OR10K2: variants seen among roughly 807,000 people sequenced by gnomAD.
The protein encoded by OR10K2 is olfactory receptor 10K2.
For synonymous variants in OR10K2, 169 were observed against 146.4 expected (o/e 1.15, Z -1.11); for missense variants, 401 against 367.1 (o/e 1.09, Z -0.76).
rs773434547 is a variant in OR10K2, at chr1:158,419,813, T to A, written c.*115A>T. 2.3e-5 allele frequency: 18 copies of A among 768,766 alleles called. No homozygotes were observed. In the Middle Eastern group the frequency reaches 1.5e-3, roughly 63 times the overall value. 47.6% of individuals were successfully genotyped at this position (768,766 alleles called of 1,614,324 possible). On this transcript the variant is annotated 3_prime_UTR_variant, in exon 2 of 2. Transcript: ENST00000641042. ...TTTTGGTAGAGATAGGATTTCACTA[T>A]GTTGGCCAGGCTGGTCTTGAAGTCC...
In OR10K2 at chr1:158,420,434, C is replaced by T. The variant is rs761098498; in HGVS notation, c.433G>A (p.Val145Met). The change falls in exon 2 of 2, where the codon GTG (valine) becomes ATG (methionine). Residue 145 changes from valine (V) to methionine (M), a missense_variant. Coordinates refer to ENST00000641042, the MANE Select transcript of OR10K2 (RefSeq NM_001004476.2). ...LMGHGVCMGL[V>M]AAACACGFTV... ...AAGCCACAGGCACAGGCAGCAGCCA[C>T]TAGTCCCATACACACCCCATGTCCC... 3.8e-5 allele frequency: 61 copies of T among 1,613,794 alleles called. No homozygotes were observed. Among genetic ancestry groups the T allele is most frequent in the East Asian group, 4.5e-5 (2 of 44,860 alleles).
intron 1 of OR10K2, among the ~76,000 whole-genome samples, chr1:158,423,734 G>A (rs1655204581): frequency 6.6e-6 from 1 of 152,008 alleles, no homozygotes; most frequent in African/African-American, 2.4e-5. Flanking sequence ...GAAAATTTAA[G>A]AGAAATTATT....
chr1:158,421,399 T>A (rs1170933993), intron 1 of OR10K2, among the ~76,000 whole-genome samples: 1 of 152,172 alleles, frequency 6.6e-6, no homozygotes, highest in Non-Finnish European at 1.5e-5. Flanking sequence ...TTCAACACTG[T>A]TTTCCTTACC....
intron 1 of OR10K2, among the ~76,000 whole-genome samples, chr1:158,422,151 C>A (rs1655169015): frequency 1.3e-5 from 2 of 151,996 alleles, no homozygotes; most frequent in Middle Eastern, 3.2e-3. Context: ...AGATTTTGTA[C>A]CTTTGAGGAA....
chr1:158,423,326 T>C (rs1361555636), intron 1 of OR10K2, among the ~76,000 whole-genome samples: 1 of 151,572 alleles, frequency 6.6e-6, no homozygotes, highest in Non-Finnish European at 1.5e-5. Flanking sequence ...TACTAATAAA[T>C]TTCTACATGT....
chr1:158,423,258 A>G (rs370797120), intron 1 of OR10K2, among the ~76,000 whole-genome samples: 2 of 146,316 alleles, frequency 1.4e-5, no homozygotes, highest in African/African-American at 2.5e-5. Context: ...GGTGGTTGGC[A>G]TATTTATTAC....
rs546247272 is a variant in OR10K2, at chr1:158,420,425, C to G, written c.442G>C (p.Ala148Pro). Reference sequence around the variant, plus strand: ...GCAACAGTGAAGCCACAGGCACAGGCAGCAGCCACTAGTCCCATACACACC... The same window carrying G: ...GCAACAGTGAAGCCACAGGCACAGGGAGCAGCCACTAGTCCCATACACACC... Reference protein sequence around the residue: ...HGVCMGLVAAACACGFTVAQI... With the variant: ...HGVCMGLVAAPCACGFTVAQI... The change falls in exon 2 of 2, where the codon GCC (alanine) becomes CCC (proline). Residue 148 changes from alanine (A) to proline (P), a missense_variant. Coordinates refer to ENST00000641042, the MANE Select transcript of OR10K2 (RefSeq NM_001004476.2). 6.2e-7 allele frequency: 1 copy of G among 1,613,900 alleles called. No individual in the cohort carries two copies. The highest frequency in any genetic ancestry group is 1.1e-5 in the South Asian group (1 of 91,086).
chr1:158,420,829 A>G lies in OR10K2; in HGVS notation c.38T>C (p.Ile13Thr), dbSNP rs769553214. The G allele has an allele frequency of 3.7e-6, 6 of 1,613,610 alleles. No individual in the cohort carries two copies. The highest frequency in any genetic ancestry group is 5.1e-6 in the Non-Finnish European group (6 of 1,179,794). Residue 13 changes from isoleucine (I) to threonine (T), a missense_variant, in exon 2 of 2, where the codon ATC becomes ACC. Transcript: ENST00000641042. ...GGCCAGGGATGAGAAGCCGAGGAAG[A>G]TGACCTCTCTCACCACAGTCTCATT... is the stretch of plus-strand genomic sequence containing the variant. ...RVNETVVREV[I>T]FLGFSSLARL...
Position 158,420,214 on chromosome 1 carries a change from T to C in OR10K2, c.653A>G (p.Tyr218Cys). 1.2e-6 allele frequency: 2 copies of C among 1,613,514 alleles called. No individual in the cohort carries two copies. The highest frequency in any genetic ancestry group is 1.7e-6 in the Non-Finnish European group (2 of 1,179,808). Residue 218 changes from tyrosine to cysteine, a missense_variant, in exon 2 of 2, where the codon TAT becomes TGT. Transcript: ENST00000641042. ...AAGTATGGCAGAGAGGATGTGAACA[T>C]AGGACACCAAGATCAACAATAAGGG... is the stretch of plus-strand genomic sequence containing the variant. The part of the protein sequence containing the change: ...AIPLLLILVS[Y>C]VHILSAILQF...
At position 158,421,530 on chromosome 1, in the gene OR10K2, A is replaced by C. The variant is rs548544800; in HGVS notation, c.-61-603T>G. ...TTCTATTCATTAATTTCAAGGTGGA[A>C]TATGTCTACACTTTCTCTAATACCT... is the stretch of plus-strand genomic sequence containing the variant. On this transcript the variant is annotated intron_variant, in intron 1 of 1. Coordinates refer to ENST00000641042, the MANE Select transcript of OR10K2 (RefSeq NM_001004476.2). 2.6e-5 allele frequency among the ~76,000 whole-genome samples: 4 copies of C among 152,238 alleles called. No individual in the cohort carries two copies. In the South Asian group the frequency reaches 8.3e-4, roughly 32 times the overall value.
chr1:158,420,573 G>A lies in OR10K2; in HGVS notation c.294C>T (p.Ala98=). Residue 98 remains alanine, a synonymous_variant, in exon 2 of 2, where the codon GCC becomes GCT. Coordinates refer to ENST00000641042, the MANE Select transcript of OR10K2 (RefSeq NM_001004476.2). ...GGAAGAGGAAGGAAAACATTTGGAT[G>A]GCACAGCCCAGGAAAGAAATGGTCT... ...QKKTISFLGC[A]IQMFSFLFLG... is the part of the protein sequence containing the mutation. 6.2e-7 allele frequency: 1 copy of A among 1,613,910 alleles called. No individual in the cohort carries two copies. The highest frequency in any genetic ancestry group is 8.5e-7 in the Non-Finnish European group (1 of 1,179,906).
At position 158,420,600 on chromosome 1, in the gene OR10K2, C is replaced by T; in HGVS notation, c.267G>A (p.Lys89=). ...CACAGCCCAGGAAAGAAATGGTCTT[C>T]TTCTGGGACAGCAGGTCAACCAGCA... is the stretch of plus-strand genomic sequence containing the variant. ...PKMLVDLLSQ[K]KTISFLGCAI... Residue 89 remains lysine, a synonymous_variant, in exon 2 of 2, where the codon AAG becomes AAA. Coordinates refer to ENST00000641042, the MANE Select transcript of OR10K2 (RefSeq NM_001004476.2). 6.2e-7 allele frequency: 1 copy of T among 1,613,916 alleles called. No homozygotes were observed. The highest frequency in any genetic ancestry group is 8.5e-7 in the Non-Finnish European group (1 of 1,179,918).
Position 158,419,934 on chromosome 1 carries a change from C to G in OR10K2, c.933G>C (p.Leu311=), listed in dbSNP as rs1046317099. ...GCCAGAATCAAGATTAATTTTACAA[C>G]AGGGAAATTGTTCTTCTCACAATTT... ...LCKIVRRTIS[L]L is the part of the protein sequence containing the mutation. Residue 311 remains leucine (L), a synonymous_variant, in exon 2 of 2, where the codon CTG becomes CTC. Coordinates refer to ENST00000641042, the MANE Select transcript of OR10K2 (RefSeq NM_001004476.2). The G allele has an allele frequency of 6.2e-7, 1 of 1,606,834 alleles. No individual in the cohort carries two copies. Among genetic ancestry groups the G allele is most frequent in the East Asian group, 2.2e-5 (1 of 44,710 alleles).
Position 158,420,630 on chromosome 1 carries a change from G to A in OR10K2, c.237C>T (p.Pro79=). Residue 79 remains proline (P), a synonymous_variant, in exon 2 of 2, where the codon CCC becomes CCT. Coordinates refer to ENST00000641042, the MANE Select transcript of OR10K2 (RefSeq NM_001004476.2). ...SEICYTFIIV[P]KMLVDLLSQK... The stretch of plus-strand genomic sequence containing the variant: ...GGGACAGCAGGTCAACCAGCATCTT[G>A]GGTACAATGATGAAGGTGTAGCAAA... The A allele has an allele frequency of 6.2e-7, 1 of 1,613,890 alleles. No homozygotes were observed. The highest frequency in any genetic ancestry group is 8.5e-7 in the Non-Finnish European group (1 of 1,179,904).
Position 158,424,737 on chromosome 1 carries a change from C to CTGTGTGTGTGTGTGTGTGTGTG in OR10K2, c.-62+1195_-62+1196insCACACACACACACACACACACA, listed in dbSNP as rs146971622. ...AACCAACACTAGACTACAGTACAATCTGTGTGTGTGTGTGTGTGTGGTGAG... is the reference window on the plus strand; with the variant it reads ...AACCAACACTAGACTACAGTACAATCTGTGTGTGTGTGTGTGTGTGTGTGTGTGTGTGTGTGTGTGTGGTGAG... On this transcript the variant is annotated intron_variant, in intron 1 of 1. Coordinates refer to ENST00000641042, the MANE Select transcript of OR10K2 (RefSeq NM_001004476.2). Among the ~76,000 whole-genome samples, 1,173 of 149,456 alleles carry CTGTGTGTGTGTGTGTGTGTGTG rather than the reference C, an allele frequency of 7.8e-3. 8 individuals are homozygous for CTGTGTGTGTGTGTGTGTGTGTG. Among genetic ancestry groups the CTGTGTGTGTGTGTGTGTGTGTG allele is most frequent in the African/African-American group, 0.018 (744 of 40,720 alleles).
rs75720912 is a variant in OR10K2, at chr1:158,420,886, G to A, written c.-20C>T. ...CTCCATGGAGCATACATCATCAGGA[G>A]ACAATTAGGGAGAGAAGAGGAGTCA... On this transcript the variant is annotated 5_prime_UTR_variant, in exon 2 of 2. Transcript: ENST00000641042. 4,680 of 1,599,044 alleles carry A rather than the reference G, an allele frequency of 2.9e-3. 117 individuals are homozygous for A. In the African/African-American group the frequency reaches 0.056, roughly 19 times the overall value.
chr1:158,425,287 A>T (rs1557862264), intron 1 of OR10K2, among the ~76,000 whole-genome samples: 2 of 152,110 alleles, frequency 1.3e-5, no homozygotes, highest in Admixed American at 6.6e-5. Flanking sequence ...CAGATGAAGA[A>T]ATTGAGCTTC....
At chr1:158,422,516 T>C (rs1177265926) in intron 1 of OR10K2, among the ~76,000 whole-genome samples, 3 of 152,102 alleles carry the variant, frequency 2.0e-5, no homozygotes. Flanking sequence ...CCTAAGGTGA[T>C]TCCCAATTCC....
chr1:158,419,621 T>C lies in OR10K2; in HGVS notation c.*307A>G, dbSNP rs1479862746. 6.0e-6 allele frequency: 1 copy of C among 167,564 alleles called. No individual in the cohort carries two copies. Among genetic ancestry groups the C allele is most frequent in the East Asian group, 1.5e-4 (1 of 6,542 alleles). 10.4% of individuals were successfully genotyped at this position (167,564 alleles called of 1,614,324 possible). Reference sequence around the variant, plus strand: ...AAGAGCAGAATCAAGATTTTTTTTTTTTTTTTTTTTTGAGACAGAGTCTTA... The same window carrying C: ...AAGAGCAGAATCAAGATTTTTTTTTCTTTTTTTTTTTGAGACAGAGTCTTA... On this transcript the variant is annotated 3_prime_UTR_variant, in exon 2 of 2. Coordinates refer to ENST00000641042, the MANE Select transcript of OR10K2 (RefSeq NM_001004476.2).
Sources: allele counts gnomAD v4.1 joint callset (sites outside exome capture counted in the v4.1 genomes callset), GRCh38; gene constraint gnomAD v4.1.1; transcripts MANE v1.5; gene names NCBI Gene and HGNC (gene_info 2026-07-23, HGNC 2026-07-21).